PDE11A: variants seen among roughly 807,000 people sequenced by gnomAD.
The protein encoded by PDE11A is phosphodiesterase 11A.
Under a neutral mutation model 100.5 loss-of-function variants are expected in PDE11A, and 100 were observed. The observed-to-expected ratio is 1.00, with a 90% CI of 0.85 to 1.18. The LOEUF (loss-of-function observed/expected upper bound fraction) is 1.18. PDE11A is among the 50% of genes most tolerant of loss of function. The pLI is 0.00. For synonymous variants in PDE11A, 381 were observed against 420.8 expected (o/e 0.91, Z 1.16); for missense variants, 1,141 against 1,152.6 (o/e 0.99, Z 0.15).
At chr2:177,937,708 C>T (rs13002444) in intron 2 of PDE11A, among the ~76,000 whole-genome samples, 15,911 of 152,152 alleles carry the variant, frequency 0.1, 1,143 homozygotes, top group Non-Finnish European at 0.15. Context: ...CAAAAACCTA[C>T]AATGGGAAGA....
intron 18 of PDE11A, among the ~76,000 whole-genome samples, chr2:177,669,166 G>T (rs1454646320): frequency 6.6e-6 from 1 of 152,144 alleles, no homozygotes; most frequent in Non-Finnish European, 1.5e-5. Flanking sequence ...AATTTTTGAT[G>T]CACAGTGTTT....
At chr2:177,730,727 G>A (rs900848634) in intron 10 of PDE11A, among the ~76,000 whole-genome samples, 2 of 152,036 alleles carry the variant, frequency 1.3e-5, no homozygotes, top group African/African-American at 4.8e-5. Flanking sequence ...CCTGCCTGAG[G>A]ATGTGAATGA....
At chr2:177,971,974 A>T (rs183052442) in intron 2 of PDE11A, among the ~76,000 whole-genome samples, 21 of 152,348 alleles carry the variant, frequency 1.4e-4, no homozygotes, top group African/African-American at 4.1e-4. Flanking sequence ...TCTAGACACC[A>T]ATAGAGTCTC....
intron 9 of PDE11A, among the ~76,000 whole-genome samples, chr2:177,792,492 A>G (rs1006777572): frequency 1.3e-5 from 2 of 152,148 alleles, no homozygotes; most frequent in East Asian, 1.9e-4. Context: ...GATTACCATT[A>G]TGCTTTGAGA....
intron 9 of PDE11A, among the ~76,000 whole-genome samples, chr2:177,793,269 G>A (rs1476412924): frequency 6.6e-6 from 1 of 152,152 alleles, no homozygotes; most frequent in African/African-American, 2.4e-5. Flanking sequence ...GACCTTGGAA[G>A]GCCCTAATGT....
chr2:177,943,849 T>C (rs1172152075), intron 2 of PDE11A, among the ~76,000 whole-genome samples: 1 of 152,176 alleles, frequency 6.6e-6, no homozygotes, highest in Admixed American at 6.5e-5. Context: ...CTAGGTTTTA[T>C]GGTTTTGGGT....
intron 9 of PDE11A, among the ~76,000 whole-genome samples, chr2:177,787,873 C>A (rs922792709): frequency 6.6e-6 from 1 of 152,144 alleles, no homozygotes; most frequent in Non-Finnish European, 1.5e-5. Flanking sequence ...TACAGGAGCA[C>A]CCAGATTCAT....
intron 2 of PDE11A, chr2:177,997,951 G>T: frequency 8.3e-7 from 1 of 1,202,720 alleles, no homozygotes. Flanking sequence ...CACTGCGGTA[G>T]TCAAGATACC....
intron 2 of PDE11A, among the ~76,000 whole-genome samples, chr2:177,972,126 G>C (rs1283514586): frequency 2.6e-5 from 4 of 152,180 alleles, no homozygotes; most frequent in Non-Finnish European, 1.5e-5. Flanking sequence ...GAGCAATTTA[G>C]AAATCTCAAG....
Position 177,656,511 on chromosome 2 carries a change from T to C in PDE11A, c.2646+7355A>G, listed in dbSNP as rs188529711. 3.9e-5 allele frequency among the ~76,000 whole-genome samples: 6 copies of C among 151,972 alleles called. No homozygotes were observed. The East Asian group carries it at 1.2e-3, about 29-fold the overall frequency. On this transcript the variant is annotated intron_variant, in intron 19 of 19. Transcript: ENST00000286063. Reference sequence around the variant, plus strand: ...CATGACTGTATTTATAGGTGATAACTAAATGACATTATAAGCTTACTTCAT... The same window carrying C: ...CATGACTGTATTTATAGGTGATAACCAAATGACATTATAAGCTTACTTCAT...
chr2:177,816,197 A>C (rs550369893), intron 9 of PDE11A, among the ~76,000 whole-genome samples: 1 of 152,292 alleles, frequency 6.6e-6, no homozygotes, highest in South Asian at 2.1e-4. Context: ...GGCAAAAAAA[A>C]CAAAAACAAA....
At chr2:177,955,048 C>T (rs2085545421) in intron 2 of PDE11A, among the ~76,000 whole-genome samples, 1 of 152,152 alleles carries the variant, frequency 6.6e-6, no homozygotes, top group African/African-American at 2.4e-5. Flanking sequence ...TAGAAAGCTG[C>T]TTCCAAAAAT....
chr2:177,631,512 AATATATATATATATATAT>A (rs1180694998), intron 19 of PDE11A, among the ~76,000 whole-genome samples: 303 of 10,776 alleles, frequency 0.028, 33 homozygotes, highest in Middle Eastern at 0.1. Context: ...AAAAAAAAAA[AATATATATATATATATAT>A]ATATATATAT....
chr2:177,750,706 A>G (rs1289091302), intron 10 of PDE11A, among the ~76,000 whole-genome samples: 1 of 152,254 alleles, frequency 6.6e-6, no homozygotes, highest in Non-Finnish European at 1.5e-5. Context: ...CAATGCCCAC[A>G]AGGGTATAAA....
intron 9 of PDE11A, among the ~76,000 whole-genome samples, chr2:177,770,332 T>C (rs1195413999): frequency 6.6e-6 from 1 of 152,186 alleles, no homozygotes; most frequent in Admixed American, 6.5e-5. Context: ...AGAAGATATA[T>C]TGAGTAGAAC....
intron 16 of PDE11A, among the ~76,000 whole-genome samples, chr2:177,676,651 A>G (rs771428659): frequency 2.6e-5 from 4 of 152,210 alleles, no homozygotes; most frequent in Non-Finnish European, 5.9e-5. Flanking sequence ...AGCAGCATTG[A>G]TGAAACCTCT....
At chr2:177,987,656 T>C (rs2085955945) in intron 2 of PDE11A, among the ~76,000 whole-genome samples, 1 of 152,208 alleles carries the variant, frequency 6.6e-6, no homozygotes, top group South Asian at 2.1e-4. Flanking sequence ...TAGAATTATT[T>C]TGTTCAGAAA....
chr2:177,901,961 A>G (rs889341676), intron 3 of PDE11A, among the ~76,000 whole-genome samples: 1 of 152,192 alleles, frequency 6.6e-6, no homozygotes, highest in East Asian at 1.9e-4. Flanking sequence ...TATTGTTTCT[A>G]ATTTAAAATT....
chr2:177,673,923 G>A (rs72945354), intron 17 of PDE11A, among the ~76,000 whole-genome samples: 9,359 of 152,218 alleles, frequency 0.061, 383 homozygotes, highest in Middle Eastern at 0.11. Flanking sequence ...GGTAGTGGCT[G>A]TTCCTTCAGC....
Sources: gnomAD v4.1 joint callset for allele counts (sites outside exome capture counted in the v4.1 genomes callset) on GRCh38, gnomAD v4.1.1 for gene constraint, MANE v1.5 for transcripts, NCBI Gene and HGNC (gene_info 2026-07-23, HGNC 2026-07-21) for gene names.